CDH12: variants seen among roughly 807,000 people sequenced by gnomAD.
The protein encoded by CDH12 is cadherin-12.
Under a neutral mutation model 74.1 loss-of-function variants are expected in CDH12, and 41 were observed. That is an observed-to-expected ratio of 0.55 (90% CI 0.43 to 0.72). The LOEUF (loss-of-function observed/expected upper bound fraction) is 0.72, where lower values mean the gene tolerates loss of function less well. Among genes scored for constraint, CDH12 ranks in the 30% least tolerant of loss-of-function variants. The pLI, the probability that CDH12 is intolerant of heterozygous loss-of-function variation, is 0.00. For missense variants in CDH12, 945 were observed against 977.2 expected (o/e 0.97, Z 0.44); for synonymous variants, 399 against 355.0 (o/e 1.12, Z -1.39).
chr5:22,840,736 C>A (rs539042197), intron 1 of CDH12, among the ~76,000 whole-genome samples: 2 of 151,906 alleles, frequency 1.3e-5, no homozygotes, highest in East Asian at 3.9e-4. Context: ...AAAATAAAAA[C>A]GTAGACCAGG....
intron 3 of CDH12, among the ~76,000 whole-genome samples, chr5:22,234,562 T>G (rs1752494927): frequency 6.6e-6 from 1 of 151,512 alleles, no homozygotes; most frequent in Non-Finnish European, 1.5e-5. Flanking sequence ...GTCTTGGGTA[T>G]GTGGGGTTTT....
intron 6 of CDH12, among the ~76,000 whole-genome samples, chr5:21,963,198 T>C (rs144802130): frequency 0.16 from 24,503 of 151,928 alleles, 2,262 homozygotes; most frequent in African/African-American, 0.25. Flanking sequence ...TGTTACAAAG[T>C]TATATTGCTT....
chr5:21,823,763 G>GA (rs1002317289), intron 8 of CDH12, among the ~76,000 whole-genome samples: 15 of 149,634 alleles, frequency 1.0e-4, no homozygotes, highest in Admixed American at 2.7e-4. Flanking sequence ...CACAGAAAAA[G>GA]AAAAAAAAAT....
chr5:22,777,807 C>T (rs1747177910), intron 1 of CDH12, among the ~76,000 whole-genome samples: 1 of 151,994 alleles, frequency 6.6e-6, no homozygotes, highest in East Asian at 1.9e-4. Flanking sequence ...GTTGATTTTG[C>T]CATAAATATA....
intron 1 of CDH12, among the ~76,000 whole-genome samples, chr5:22,805,306 T>C (rs1387063433): frequency 2.0e-5 from 3 of 152,112 alleles, no homozygotes; most frequent in East Asian, 3.9e-4. Flanking sequence ...GTTTCCTGCA[T>C]TGATGTGGCT....
At chr5:22,798,412 CAG>C (rs1485786479) in intron 1 of CDH12, among the ~76,000 whole-genome samples, 6 of 151,990 alleles carry the variant, frequency 3.9e-5, no homozygotes, top group Non-Finnish European at 5.9e-5. Context: ...ATTTTACAAA[CAG>C]TGCAGTTTTT....
chr5:21,782,823 T>C (rs978108464), intron 11 of CDH12, among the ~76,000 whole-genome samples: 9 of 152,100 alleles, frequency 5.9e-5, no homozygotes, highest in Non-Finnish European at 1.2e-4. Flanking sequence ...AAATAATTCC[T>C]AATAATAATA....
chr5:21,764,779 A>T (rs558978027), intron 12 of CDH12, among the ~76,000 whole-genome samples, 199 bp downstream of exon 12: 3 of 152,310 alleles, frequency 2.0e-5, no homozygotes, highest in Admixed American at 6.5e-5. Flanking sequence ...TCAGTACTTC[A>T]TCTGTGCGGT....
chr5:22,753,970 A>G (rs887913233), intron 1 of CDH12, among the ~76,000 whole-genome samples: 1 of 152,170 alleles, frequency 6.6e-6, no homozygotes, highest in African/African-American at 2.4e-5. Context: ...GCTGCTTACT[A>G]TCATCCATAT....
chr5:22,770,746 T>A (rs1355330695), intron 1 of CDH12, among the ~76,000 whole-genome samples: 3 of 152,164 alleles, frequency 2.0e-5, no homozygotes, highest in Non-Finnish European at 4.4e-5. Flanking sequence ...AGTTTGTTAA[T>A]ATTACATTTT....
intron 2 of CDH12, among the ~76,000 whole-genome samples, chr5:22,477,091 T>C (rs1746198628): frequency 6.6e-6 from 1 of 152,214 alleles, no homozygotes; most frequent in South Asian, 2.1e-4. Context: ...TGTTTATGTT[T>C]TCTTAACTTT....
chr5:22,461,259 C>T (rs1169902871), intron 2 of CDH12, among the ~76,000 whole-genome samples: 6 of 151,710 alleles, frequency 4.0e-5, no homozygotes, highest in Non-Finnish European at 7.4e-5. Flanking sequence ...AACTCCTGAC[C>T]TCAAGTCATT....
At chr5:22,745,503 T>C (rs1745248587) in intron 1 of CDH12, among the ~76,000 whole-genome samples, 2 of 152,068 alleles carry the variant, frequency 1.3e-5, no homozygotes, top group Non-Finnish European at 2.9e-5. Context: ...AATAGCAAAG[T>C]CACTAAGTCA....
chr5:22,491,231 A>C (rs922701199), intron 2 of CDH12, among the ~76,000 whole-genome samples: 2 of 152,082 alleles, frequency 1.3e-5, no homozygotes, highest in Non-Finnish European at 2.9e-5. Context: ...CCTGCTTATG[A>C]GTGACAACAT....
chr5:22,053,740 G>T (rs762856410), intron 5 of CDH12, among the ~76,000 whole-genome samples: 2 of 152,036 alleles, frequency 1.3e-5, no homozygotes, highest in Non-Finnish European at 2.9e-5. Context: ...TCGATGATAG[G>T]TGTAATTATG....
At chr5:22,369,366 A>C in intron 3 of CDH12, among the ~76,000 whole-genome samples, 1 of 152,132 alleles carries the variant, frequency 6.6e-6, no homozygotes, top group African/African-American at 2.4e-5. Context: ...TCAGAAAAAA[A>C]ATAGACTTTC....
intron 6 of CDH12, among the ~76,000 whole-genome samples, chr5:21,855,618 A>G (rs1750713821): frequency 6.6e-6 from 1 of 151,574 alleles, no homozygotes; most frequent in Admixed American, 6.6e-5. Context: ...AATAAAATAG[A>G]CATATATATA....
intron 5 of CDH12, among the ~76,000 whole-genome samples, chr5:22,035,833 C>A (rs1168202786): frequency 1.3e-5 from 2 of 151,862 alleles, no homozygotes; most frequent in Non-Finnish European, 2.9e-5. Context: ...TAAAATGAAA[C>A]TTGACCACTG....
intron 1 of CDH12, among the ~76,000 whole-genome samples, chr5:22,644,694 T>C (rs1021562487): frequency 1.3e-5 from 2 of 151,784 alleles, no homozygotes; most frequent in Non-Finnish European, 2.9e-5. Context: ...GTAGATGAAC[T>C]AGCCTGCTGG....
Sources: gnomAD v4.1 joint callset for allele counts (sites outside exome capture counted in the v4.1 genomes callset) on GRCh38, gnomAD v4.1.1 for gene constraint, MANE v1.5 for transcripts, NCBI Gene and HGNC (gene_info 2026-07-23, HGNC 2026-07-21) for gene names.